Variants in MDM2 observed in about 807,000 individuals in gnomAD.
MDM2 encodes MDM2 proto-oncogene.
A neutral mutation model predicts 64.3 loss-of-function variants in MDM2; 11 were observed. That is an observed-to-expected ratio of 0.17 (90% CI 0.11 to 0.28). The LOEUF (loss-of-function observed/expected upper bound fraction) is 0.28. Ranked by LOEUF, MDM2 falls within the 10% of genes least tolerant of loss-of-function variation. MDM2 has a pLI of 1.00. For synonymous variants in MDM2, 194 were observed against 192.9 expected, an observed-to-expected ratio of 1.01 and a Z score of -0.05; for missense variants, 388 against 577.1, an observed-to-expected ratio of 0.67 and a Z score of 3.36.
rs759476008 is a variant in MDM2 at position 68,844,835 on chromosome 12, T to G, written c.*4986T>G. On this transcript the variant is annotated 3_prime_UTR_variant, in exon 11 of 11. Transcript: ENST00000258149. Reference sequence around the variant, plus strand: ...AGGCTGGAGTACAGTGGTGCAATCTTGGCTCACTGCAACCTCTGCCTCCTG... The same window carrying G: ...AGGCTGGAGTACAGTGGTGCAATCTGGGCTCACTGCAACCTCTGCCTCCTG... 1.4e-4 allele frequency: 29 copies of G among 201,620 alleles called. No homozygotes were observed. The highest frequency in any genetic ancestry group is 6.0e-5 in the Admixed American group (1 of 16,646). The allele number at this position is 201,620 out of a possible 1,614,324, so 12.5% of individuals were successfully genotyped here. A position where few individuals can be genotyped will look rare whatever the true frequency, so the allele number is the denominator to read the frequency against.
At chr12:68,836,534 C>G (rs1883321356) in intron 9 of MDM2, 138 bp from the exon 10 acceptor site, 2 of 683,200 alleles carry the variant, frequency 2.9e-6, no homozygotes, top group Admixed American at 4.4e-5. Context: ...CCTTTACACT[C>G]ACTTACTCTA....
intron 7 of MDM2, among the ~76,000 whole-genome samples, chr12:68,827,889 G>A (rs1882470485): frequency 6.6e-6 from 1 of 152,198 alleles, no homozygotes; most frequent in African/African-American, 2.4e-5. Context: ...CCAGCACTTT[G>A]GGAGGCTGAG....
rs956576684 is a variant in MDM2 at position 68,845,261 on chromosome 12, T to C, written c.*5412T>C. On this transcript the variant is annotated 3_prime_UTR_variant, in exon 11 of 11. Coordinates refer to ENST00000258149, the MANE Select transcript of MDM2 (RefSeq NM_002392.6). ...AATTGTTTAAAAGTTTGTGATCATATTGTCTACCATGTAGCCAGCTTTCAA... is the reference window on the plus strand; with the variant it reads ...AATTGTTTAAAAGTTTGTGATCATACTGTCTACCATGTAGCCAGCTTTCAA... The C allele has an allele frequency of 1.9e-5, 4 of 214,694 alleles. No individual in the cohort carries two copies. The highest frequency in any genetic ancestry group is 9.0e-5 in the African/African-American group (4 of 44,214). The allele number at this position is 214,694 out of a possible 1,614,324, so 13.3% of individuals were successfully genotyped here.
chr12:68,839,014 T>G (rs1016690097), intron 10 of MDM2, among the ~76,000 whole-genome samples: 1 of 152,190 alleles, frequency 6.6e-6, no homozygotes, highest in Admixed American at 6.5e-5. Context: ...ATGTAATCCA[T>G]TATCTTGAAT....
rs746741325 is a variant in MDM2 at position 68,824,357 on chromosome 12, T to C, written c.359-6T>C. 2 of 1,612,394 alleles carry C rather than the reference T, an allele frequency of 1.2e-6. No homozygotes were observed. Among genetic ancestry groups the C allele is most frequent in the South Asian group, 2.2e-5 (2 of 90,804 alleles). ...CAAGTTTCTGATCCTTTTTCTTTTC[T>C]CTCAGAATCATCGGACTCAGGTACA... On this transcript the variant is annotated splice_region_variant and splice_polypyrimidine_tract_variant and intron_variant, in intron 5 of 10. Transcript: ENST00000258149.
chr12:68,812,045 T>A (rs944726973), intron 2 of MDM2, among the ~76,000 whole-genome samples: 7 of 152,202 alleles, frequency 4.6e-5, no homozygotes, highest in Admixed American at 1.3e-4. Context: ...TGCACCTGGC[T>A]TCCATTACAG....
intron 6 of MDM2, 21 bp from the exon 7 acceptor site, chr12:68,824,534 A>AT (rs1447795029): frequency 6.2e-7 from 1 of 1,603,406 alleles, no homozygotes; most frequent in Non-Finnish European, 8.5e-7. Flanking sequence ...GTTGTATTTT[A>AT]TTTTTTTCCT....
rs370787692 is a variant in MDM2 at position 68,839,333 on chromosome 12, C to T, written c.978C>T (p.Asn326=). The T allele has an allele frequency of 1.2e-6, 2 of 1,613,878 alleles. No homozygotes were observed. The highest frequency in any genetic ancestry group is 1.7e-6 in the Non-Finnish European group (2 of 1,179,984). ...EMNPPLPSHC[N]RCWALRENWL... is the part of the protein sequence containing the mutation. ...ATCCCCCCCTTCCATCACATTGCAA[C>T]AGATGTTGGGCCCTTCGTGAGAATT... Residue 326 remains asparagine, a synonymous_variant, in exon 11 of 11, where the codon AAC becomes AAT. Transcript: ENST00000258149.
chr12:68,844,386 A>C lies in MDM2; in HGVS notation c.*4537A>C. On this transcript the variant is annotated 3_prime_UTR_variant, in exon 11 of 11. Coordinates refer to ENST00000258149, the MANE Select transcript of MDM2 (RefSeq NM_002392.6). The stretch of plus-strand genomic sequence containing the variant: ...GCCTCCAATGAGAGCAACTTGAGAG[A>C]ATGATGTTGCAAGTTAGTAGGAGTA... 1 of 226,158 alleles carries C rather than the reference A, an allele frequency of 4.4e-6. No individual in the cohort carries two copies. The highest frequency in any genetic ancestry group is 1.8e-4 in the South Asian group (1 of 5,480). 14.0% of individuals were successfully genotyped at this position (226,158 alleles called of 1,614,324 possible).
intron 4 of MDM2, among the ~76,000 whole-genome samples, chr12:68,819,409 C>T (rs975879092): frequency 5.3e-5 from 8 of 152,198 alleles, no homozygotes; most frequent in Non-Finnish European, 1.0e-4. Flanking sequence ...GTGTCTGGTA[C>T]ATAGTACCAG....
chr12:68,833,084 C>T lies in MDM2; in HGVS notation c.685-2745C>T, dbSNP rs562106728. On this transcript the variant is annotated intron_variant, in intron 8 of 10. Coordinates refer to ENST00000258149, the MANE Select transcript of MDM2 (RefSeq NM_002392.6). ...GAGCTTGCAGTGAGCCGAGATGGTG[C>T]CACTGCACTCCAGCCTGGGTGACAG... 9.8e-3 allele frequency among the ~76,000 whole-genome samples: 1,266 copies of T among 128,666 alleles called. 25 individuals are homozygous for T. Among genetic ancestry groups the T allele is most frequent in the African/African-American group, 0.034 (1,176 of 34,534 alleles). 84.4% of individuals were successfully genotyped at this position (128,666 alleles called of 152,430 possible).
intron 2 of MDM2, among the ~76,000 whole-genome samples, chr12:68,812,253 A>G (rs1176230328): frequency 2.0e-5 from 3 of 152,086 alleles, no homozygotes; most frequent in Non-Finnish European, 2.9e-5. Context: ...TGTATTTTAA[A>G]TTTTTCAATT....
downstream of MDM2, chr12:68,849,399 TTTGTTG>T (rs1555190555): frequency 7.7e-6 from 1 of 129,090 alleles, no homozygotes; most frequent in South Asian, 2.5e-4. Context: ...CGTTTTTTTT[TTTGTTG>T]TTGTTGTTGT....
rs547560670 is a variant in MDM2, at chr12:68,842,480, A to C, written c.*2631A>C. ...TAAATTATTGACTTATTTTTTATATAAGGTCACTCCGATGAAAGGTGATTA... is the reference window on the plus strand; with the variant it reads ...TAAATTATTGACTTATTTTTTATATCAGGTCACTCCGATGAAAGGTGATTA... On this transcript the variant is annotated 3_prime_UTR_variant, in exon 11 of 11. Transcript: ENST00000258149. 159 of 403,486 alleles carry C rather than the reference A, an allele frequency of 3.9e-4. 1 individual carries two copies. Among genetic ancestry groups the C allele is most frequent in the East Asian group, 3.5e-3 (70 of 19,998 alleles). The allele number at this position is 403,486 out of a possible 1,614,324, so 25.0% of individuals were successfully genotyped here.
At chr12:68,836,067 T>A in intron 9 of MDM2, 83 bp downstream of exon 9, 4 of 1,195,832 alleles carry the variant, frequency 3.3e-6, no homozygotes, top group Non-Finnish European at 4.5e-6. Flanking sequence ...TGAAATAATA[T>A]TATTCAGATT....
intron 8 of MDM2, among the ~76,000 whole-genome samples, chr12:68,832,645 T>G (rs1882888464): frequency 6.6e-6 from 1 of 151,788 alleles, no homozygotes. Context: ...GAGAGTTAGC[T>G]GGGACTACAG....
At chr12:68,837,476 C>T (rs1883404936) in intron 10 of MDM2, among the ~76,000 whole-genome samples, 1 of 152,008 alleles carries the variant, frequency 6.6e-6, no homozygotes, top group South Asian at 2.1e-4. Flanking sequence ...CCTCCCACCT[C>T]AGCCTCCTGA....
chr12:68,832,058 G>A (rs1882840991), intron 8 of MDM2, among the ~76,000 whole-genome samples: 2 of 152,124 alleles, frequency 1.3e-5, no homozygotes, highest in African/African-American at 4.8e-5. Flanking sequence ...CAACGAGAAC[G>A]AAATTCCATC....
At chr12:68,821,044 CT>C (rs36054804) in intron 5 of MDM2, among the ~76,000 whole-genome samples, 4,967 of 103,694 alleles carry the variant, frequency 0.048, 67 homozygotes, top group East Asian at 0.11. Context: ...ACACAGTTTG[CT>C]TTTTTTTTTT....
Sources: gnomAD v4.1 joint callset for allele counts (sites outside exome capture counted in the v4.1 genomes callset) on GRCh38, gnomAD v4.1.1 for gene constraint, MANE v1.5 for transcripts, NCBI Gene and HGNC (gene_info 2026-07-23, HGNC 2026-07-21) for gene names.